Variants in MCPH1 observed in about 807,000 individuals in gnomAD.
MCPH1 encodes microcephalin.
Under a neutral mutation model 84.5 loss-of-function variants are expected in MCPH1, and 104 were observed. The ratio of observed to expected loss-of-function variants is 1.23; its 90% CI spans 1.05 to 1.45. The LOEUF is 1.45. MCPH1 is among the 40% of genes most tolerant of loss of function. The pLI is 0.00. For synonymous variants in MCPH1, 514 were observed against 366.8 expected (o/e 1.40, Z -4.58); for missense variants, 1,498 against 1,005.7 (o/e 1.49, Z -6.62).
intron 12 of MCPH1, chr8:6,621,100 A>T: frequency 2.8e-6 from 1 of 356,616 alleles, no homozygotes; most frequent in Non-Finnish European, 5.3e-6. Flanking sequence ...CGTCACTTGC[A>T]CACGTCACCA....
rs142110344 is a variant in MCPH1, at chr8:6,532,445, C to T, written c.2214+32516C>T. ...TTCTGTACTGCATTCTGCTGTATCT[C>T]TACCATTTCTTTCTTCATGTTGTCC... On this transcript the variant is annotated intron_variant, in intron 12 of 13. Coordinates refer to ENST00000344683, the MANE Select transcript of MCPH1 (RefSeq NM_024596.5). 11 of 1,613,808 alleles carry T rather than the reference C, an allele frequency of 6.8e-6. No homozygotes were observed. The African/African-American group carries it at 1.3e-4, about 20-fold the overall frequency.
rs1286725975 is a variant in MCPH1 at position 6,551,751 on chromosome 8, ACC to A, written c.2214+51826_2214+51827del. Among the ~76,000 whole-genome samples, 5 of 152,234 alleles carry A rather than the reference ACC, an allele frequency of 3.3e-5. No homozygotes were observed. In the East Asian group the frequency reaches 9.6e-4, roughly 29 times the overall value. ...TTAAAAATAGTAAGGAATTTCATAT[ACC>A]CCCAAATATTAAGCATAGGTAATTA... On this transcript the variant is annotated intron_variant, in intron 12 of 13. Transcript: ENST00000344683.
chr8:6,505,338 G>T lies in MCPH1; in HGVS notation c.2214+5409G>T, dbSNP rs1435480123. ...TATATATGTTATATACATATAGAAA[G>T]AATATATATATTCTTTCTATATGTA... On this transcript the variant is annotated intron_variant, in intron 12 of 13. Coordinates refer to ENST00000344683, the MANE Select transcript of MCPH1 (RefSeq NM_024596.5). 2.9e-3 allele frequency among the ~76,000 whole-genome samples: 94 copies of T among 32,840 alleles called. 3 individuals carry two copies. The highest frequency in any genetic ancestry group is 0.015 in the Admixed American group (50 of 3,268). 21.5% of individuals were successfully genotyped at this position (32,840 alleles called of 152,430 possible). A position where few individuals can be genotyped will look rare whatever the true frequency, so the allele number is the denominator to read the frequency against.
chr8:6,475,945 C>A lies in MCPH1; in HGVS notation c.1936-1649C>A, dbSNP rs116697010. Among the ~76,000 whole-genome samples, 357 of 152,154 alleles carry A rather than the reference C, an allele frequency of 2.3e-3. 4 individuals are homozygous for A. The highest frequency in any genetic ancestry group is 8.3e-3 in the African/African-American group (346 of 41,474). On this transcript the variant is annotated intron_variant, in intron 9 of 13. Coordinates refer to ENST00000344683, the MANE Select transcript of MCPH1 (RefSeq NM_024596.5). ...TATAAGGCAGATCCCTGGATCAACC[C>A]CATTGAGGACTGGGGGTGGCAGGTG...
chr8:6,498,226 T>G (rs1428796829), intron 11 of MCPH1, among the ~76,000 whole-genome samples: 1 of 152,236 alleles, frequency 6.6e-6, no homozygotes, highest in Non-Finnish European at 1.5e-5. Flanking sequence ...CTGCCCTTCT[T>G]ATAAGAAATA....
chr8:6,438,755 C>A (rs1229525463), intron 5 of MCPH1, among the ~76,000 whole-genome samples, 198 bp from the exon 6 acceptor site: 2 of 152,174 alleles, frequency 1.3e-5, no homozygotes, highest in Non-Finnish European at 2.9e-5. Flanking sequence ...AGTTGCTCAG[C>A]AGATGTGAGC....
chr8:6,446,000 G>A (rs1804312562), intron 8 of MCPH1: 2 of 978,932 alleles, frequency 2.0e-6, no homozygotes, highest in Non-Finnish European at 2.4e-6. Context: ...TAGAGAAAGT[G>A]TGAAAAACTA....
At chr8:6,489,500 G>C (rs568206995) in intron 11 of MCPH1, among the ~76,000 whole-genome samples, 11 of 152,194 alleles carry the variant, frequency 7.2e-5, no homozygotes, top group Non-Finnish European at 1.6e-4. Flanking sequence ...GATGTTGTCA[G>C]AGACCTTGAA....
chr8:6,612,982 C>A (rs1830418491), intron 12 of MCPH1, among the ~76,000 whole-genome samples: 1 of 152,148 alleles, frequency 6.6e-6, no homozygotes, highest in African/African-American at 2.4e-5. Context: ...CGGTTTTGAG[C>A]CAAAACATGA....
chr8:6,424,776 A>G lies in MCPH1; in HGVS notation c.234-6723A>G, dbSNP rs560607672. 5.3e-5 allele frequency among the ~76,000 whole-genome samples: 8 copies of G among 152,348 alleles called. No individual in the cohort carries two copies. The South Asian group carries it at 1.7e-3, about 32-fold the overall frequency. ...CTACGGTTATTTAGTGCTAGACCAC[A>G]GAAGTTCGCTCTCTGCTGGCAGAGC... On this transcript the variant is annotated intron_variant, in intron 3 of 13. Transcript: ENST00000344683.
intron 12 of MCPH1, among the ~76,000 whole-genome samples, chr8:6,532,029 C>T (rs1984858): frequency 1.3e-5 from 2 of 152,200 alleles, no homozygotes; most frequent in Non-Finnish European, 2.9e-5. Flanking sequence ...GTCCAGAAAG[C>T]ACCAGGGAGA....
intron 11 of MCPH1, among the ~76,000 whole-genome samples, chr8:6,496,150 T>G (rs1174720813): frequency 6.6e-6 from 1 of 152,172 alleles, no homozygotes; most frequent in African/African-American, 2.4e-5. Context: ...GCCCTGAGCT[T>G]GTTTTCTGCA....
At chr8:6,583,607 A>T (rs1827736883) in intron 12 of MCPH1, among the ~76,000 whole-genome samples, 1 of 152,080 alleles carries the variant, frequency 6.6e-6, no homozygotes, top group Non-Finnish European at 1.5e-5. Flanking sequence ...TTGGAAAAGG[A>T]CCCCTGAGTG....
chr8:6,484,912 G>A (rs1239212501), intron 11 of MCPH1, among the ~76,000 whole-genome samples: 1 of 152,222 alleles, frequency 6.6e-6, no homozygotes, highest in Non-Finnish European at 1.5e-5. Flanking sequence ...CATCTTTGGG[G>A]CATTGGAATT....
Position 6,559,230 on chromosome 8 carries a change from A to AACACACACACACAC in MCPH1, c.2214+59319_2214+59332dup, listed in dbSNP as rs59299448. Among the ~76,000 whole-genome samples the AACACACACACACAC allele has an allele frequency of 3.6e-3, 524 of 146,824 alleles. 4 individuals carry two copies. The highest frequency in any genetic ancestry group is 9.3e-3 in the East Asian group (46 of 4,968). On this transcript the variant is annotated intron_variant, in intron 12 of 13. Coordinates refer to ENST00000344683, the MANE Select transcript of MCPH1 (RefSeq NM_024596.5). Reference sequence around the variant, plus strand: ...TGAGTGTTTTGTAGCCACACACGACAACACACACACACACACACACACACA... The same window carrying AACACACACACACAC: ...TGAGTGTTTTGTAGCCACACACGACAACACACACACACACACACACACACACACACACACACACA...
intron 9 of MCPH1, among the ~76,000 whole-genome samples, chr8:6,467,183 T>A (rs945950494): frequency 6.6e-6 from 1 of 152,182 alleles, no homozygotes; most frequent in African/African-American, 2.4e-5. Context: ...AAGACTTAGT[T>A]TATATATCAA....
intron 3 of MCPH1, among the ~76,000 whole-genome samples, chr8:6,417,771 G>C (rs1451796008): frequency 2.0e-5 from 3 of 152,098 alleles, no homozygotes; most frequent in Non-Finnish European, 2.9e-5. Flanking sequence ...TAATGACCTT[G>C]TCTGATAATT....
intron 12 of MCPH1, among the ~76,000 whole-genome samples, chr8:6,599,403 T>C (rs144600097): frequency 6.8e-4 from 104 of 152,234 alleles, no homozygotes; most frequent in Middle Eastern, 3.4e-3. Flanking sequence ...AGTGAAAGAA[T>C]GAAAAAACCG....
intron 12 of MCPH1, among the ~76,000 whole-genome samples, chr8:6,537,135 G>A (rs1353793415): frequency 1.3e-5 from 2 of 152,044 alleles, no homozygotes; most frequent in Admixed American, 6.5e-5. Context: ...GAGGGGACCC[G>A]GCTCTTTCCA....
Sources: allele counts gnomAD v4.1 joint callset (sites outside exome capture counted in the v4.1 genomes callset), GRCh38; gene constraint gnomAD v4.1.1; transcripts MANE v1.5; gene names NCBI Gene and HGNC (gene_info 2026-07-23, HGNC 2026-07-21).